SP100: variants seen among roughly 807,000 people sequenced by gnomAD.
SP100 encodes nuclear autoantigen Sp-100.
In SP100, 84 loss-of-function variants were observed where a neutral mutation model predicts 130.0. That is an observed-to-expected ratio of 0.65 (90% CI 0.54 to 0.77). The LOEUF is 0.77. SP100 is among the 30% of genes least tolerant of loss of function. SP100 has a pLI of 0.00. For synonymous variants in SP100, 331 were observed against 351.7 expected, an observed-to-expected ratio of 0.94 and a Z score of 0.66; for missense variants, 978 against 1,052.2, an observed-to-expected ratio of 0.93 and a Z score of 0.97.
At position 230,449,425 on chromosome 2, in the gene SP100, C is replaced by G. The variant is rs1360898373; in HGVS notation, c.587-136C>G. 3 of 971,958 alleles carry G rather than the reference C, an allele frequency of 3.1e-6. No individual in the cohort carries two copies. The South Asian group carries it at 4.0e-5, about 13-fold the overall frequency. 60.2% of individuals were successfully genotyped at this position (971,958 alleles called of 1,614,324 possible). On this transcript the variant is annotated intron_variant, in intron 6 of 28. Transcript: ENST00000340126. ...ATGTGCCTGCTTCACCATTTTCTGC[C>G]TGCATCTGCTTGAATCTGGCTGTTG...
At chr2:230,469,166 A>G in intron 14 of SP100, 70 bp downstream of exon 14, 3 of 965,956 alleles carry the variant, frequency 3.1e-6, no homozygotes, top group Non-Finnish European at 3.2e-6. Context: ...TTCACTTTTT[A>G]TGTTATATCC....
chr2:230,469,980 C>T, intron 14 of SP100, 35 bp from the exon 15 acceptor site: 1 of 1,594,626 alleles, frequency 6.3e-7, no homozygotes, highest in Non-Finnish European at 8.6e-7. Context: ...AAGACTCAGA[C>T]TAAGACTGTT....
intron 12 of SP100, 146 bp from the exon 13 acceptor site, chr2:230,466,974 C>T: frequency 3.5e-6 from 2 of 567,454 alleles, no homozygotes; most frequent in Non-Finnish European, 6.3e-6. Context: ...AAAGGCAGAT[C>T]ATGGAGGTTT....
In SP100 at chr2:230,542,001, G is replaced by A. The variant is rs372815673; in HGVS notation, c.2513G>A (p.Arg838His). The A allele has an allele frequency of 2.4e-5, 38 of 1,613,952 alleles. No individual in the cohort carries two copies. The highest frequency in any genetic ancestry group is 3.3e-5 in the South Asian group (3 of 91,070). ...TRVEGFVQDM[R>H]LIFHNHKEFY... Reference sequence around the variant, plus strand: ...GTAGAAGGGTTTGTGCAGGACATGCGTCTCATCTTTCATAACCACAAGGAA... The same window carrying A: ...GTAGAAGGGTTTGTGCAGGACATGCATCTCATCTTTCATAACCACAAGGAA... The change falls in exon 28 of 29, where the codon CGT becomes CAT. Residue 838 changes from arginine (R) to histidine (H), a missense_variant. Arg to His is a conservative substitution (Grantham distance 29). Transcript: ENST00000340126.
intron 17 of SP100, among the ~76,000 whole-genome samples, chr2:230,481,131 G>C (rs1349775750): frequency 6.6e-6 from 1 of 151,768 alleles, no homozygotes; most frequent in African/African-American, 2.4e-5. Context: ...TGCTTTCCTT[G>C]TCTCTATACT....
chr2:230,468,010 C>A (rs894302135), intron 13 of SP100, among the ~76,000 whole-genome samples: 1 of 152,192 alleles, frequency 6.6e-6, no homozygotes, highest in African/African-American at 2.4e-5. Context: ...TGGCCCCCAA[C>A]ATGAAATTGG....
At chr2:230,535,726 G>A (rs941685954) in intron 24 of SP100, among the ~76,000 whole-genome samples, 1 of 151,654 alleles carries the variant, frequency 6.6e-6, no homozygotes, top group African/African-American at 2.4e-5. Flanking sequence ...TGCCAACATG[G>A]TGAAACCCCG....
At chr2:230,433,149 C>T (rs1034380737) in intron 2 of SP100, among the ~76,000 whole-genome samples, 1 of 152,164 alleles carries the variant, frequency 6.6e-6, no homozygotes, top group Non-Finnish European at 1.5e-5. Flanking sequence ...TTTAGAGATG[C>T]ATGATCCATT....
intron 17 of SP100, among the ~76,000 whole-genome samples, chr2:230,487,529 A>G (rs927993519): frequency 1.3e-5 from 2 of 152,154 alleles, no homozygotes; most frequent in Non-Finnish European, 2.9e-5. Context: ...CCATTGGTCT[A>G]TATGTCTGTT....
At chr2:230,529,202 A>T (rs1005872125) in intron 24 of SP100, among the ~76,000 whole-genome samples, 1 of 152,228 alleles carries the variant, frequency 6.6e-6, no homozygotes, top group Admixed American at 6.5e-5. Flanking sequence ...AACCAAATCC[A>T]GCAACACATC....
chr2:230,540,112 A>G (rs1001625756), intron 25 of SP100, among the ~76,000 whole-genome samples: 12 of 152,174 alleles, frequency 7.9e-5, no homozygotes, highest in South Asian at 6.2e-4. Flanking sequence ...GCAGAGGCAG[A>G]AGAAAAACCA....
intron 8 of SP100, among the ~76,000 whole-genome samples, chr2:230,459,970 A>G (rs1442301884): frequency 3.3e-5 from 5 of 152,066 alleles, no homozygotes; most frequent in Admixed American, 1.3e-4. Context: ...CCCGTCACCC[A>G]CCTCTCGCCC....
intron 19 of SP100, among the ~76,000 whole-genome samples, chr2:230,501,840 C>T (rs898550844): frequency 1.3e-5 from 2 of 152,036 alleles, no homozygotes; most frequent in Admixed American, 1.3e-4. Flanking sequence ...TATTTGGACA[C>T]ACCGATCAAC....
intron 2 of SP100, chr2:230,440,528 A>G (rs1475994403): frequency 3.7e-6 from 5 of 1,342,676 alleles, no homozygotes; most frequent in Non-Finnish European, 3.9e-6. Context: ...TCTAAAAACT[A>G]TAAGCAGTGC....
At chr2:230,444,009 G>A (rs568788730) in intron 3 of SP100, among the ~76,000 whole-genome samples, 169 bp from the exon 4 acceptor site, 1 of 152,250 alleles carries the variant, frequency 6.6e-6, no homozygotes, top group Admixed American at 6.5e-5. Context: ...AAGGACAAGG[G>A]ACTTACTTCT....
intron 17 of SP100, 134 bp downstream of exon 17, chr2:230,474,581 T>C (rs1220930638): frequency 5.1e-6 from 3 of 587,542 alleles, no homozygotes; most frequent in Non-Finnish European, 9.2e-6. Context: ...GTTTGTTACA[T>C]GGGTAAATTG....
chr2:230,444,160 C>A lies in SP100; in HGVS notation c.271-18C>A. ...TGGAAGTCTTTATTTATATTTTCTCCATTCAATATTTTTTAAGGATTCTCA... is the reference window on the plus strand; with the variant it reads ...TGGAAGTCTTTATTTATATTTTCTCAATTCAATATTTTTTAAGGATTCTCA... On this transcript the variant is annotated intron_variant, in intron 3 of 28. Transcript: ENST00000340126. 1 of 1,517,234 alleles carries A rather than the reference C, an allele frequency of 6.6e-7. No homozygotes were observed. Among genetic ancestry groups the A allele is most frequent in the African/African-American group, 1.4e-5 (1 of 71,288 alleles). The allele number at this position is 1,517,234 out of a possible 1,614,324, so 94.0% of individuals were successfully genotyped here.
intron 14 of SP100, 38 bp from the exon 15 acceptor site, chr2:230,469,977 A>C (rs962591166): frequency 1.3e-6 from 2 of 1,586,310 alleles, no homozygotes; most frequent in Non-Finnish European, 1.7e-6. Context: ...CCTAAGACTC[A>C]GACTAAGACT....
At chr2:230,461,475 G>A in intron 9 of SP100, 61 bp downstream of exon 9, 1 of 1,559,508 alleles carries the variant, frequency 6.4e-7, no homozygotes, top group Non-Finnish European at 8.8e-7. Flanking sequence ...AGGGGCTCAG[G>A]GACTTCATCA....
Sources: allele counts gnomAD v4.1 joint callset (sites outside exome capture counted in the v4.1 genomes callset), GRCh38; gene constraint gnomAD v4.1.1; transcripts MANE v1.5; gene names NCBI Gene and HGNC (gene_info 2026-07-23, HGNC 2026-07-21).